ITGBL1: variants seen among roughly 807,000 people sequenced by gnomAD.
The protein encoded by ITGBL1 is integrin beta-like protein 1.
ITGBL1 carries 51 observed loss-of-function variants against 68.5 expected under a neutral mutation model. The observed-to-expected ratio is 0.74, with a 90% CI of 0.59 to 0.94. The LOEUF (loss-of-function observed/expected upper bound fraction) is 0.94, where lower values mean the gene tolerates loss of function less well. Among genes scored for constraint, ITGBL1 ranks in the 40% least tolerant of loss-of-function variants. The pLI, the probability that ITGBL1 is intolerant of heterozygous loss-of-function variation, is 0.00. For missense variants in ITGBL1, 649 were observed against 647.4 expected (o/e 1.00, Z -0.03); for synonymous variants, 209 against 227.3 (o/e 0.92, Z 0.72).
At chr13:101,483,286 A>C (rs2048653599) in intron 2 of ITGBL1, among the ~76,000 whole-genome samples, 1 of 152,168 alleles carries the variant, frequency 6.6e-6, no homozygotes, top group African/African-American at 2.4e-5. Flanking sequence ...AGTGAATGGG[A>C]TGTTCCAGTT....
intron 7 of ITGBL1, among the ~76,000 whole-genome samples, chr13:101,602,059 T>A (rs567829609): frequency 6.6e-6 from 1 of 152,082 alleles, no homozygotes; most frequent in South Asian, 2.1e-4. Context: ...TCTCACTCAC[T>A]GTCAGCCTAC....
chr13:101,503,745 CTG>C (rs1296003479), intron 2 of ITGBL1, among the ~76,000 whole-genome samples: 1 of 152,156 alleles, frequency 6.6e-6, no homozygotes, highest in Non-Finnish European at 1.5e-5. Context: ...ATAGCTAAAA[CTG>C]TGGGGAAGTG....
chr13:101,504,460 G>A (rs913269806), intron 2 of ITGBL1, among the ~76,000 whole-genome samples: 2 of 152,084 alleles, frequency 1.3e-5, no homozygotes, highest in East Asian at 1.9e-4. Context: ...TGGCCAAATA[G>A]AATACCATTC....
chr13:101,592,057 C>A (rs765048792), intron 6 of ITGBL1, among the ~76,000 whole-genome samples: 4 of 152,096 alleles, frequency 2.6e-5, no homozygotes, highest in Non-Finnish European at 4.4e-5. Context: ...CAGATGTGGT[C>A]ATTTGACCAG....
chr13:101,636,812 A>G (rs536066179), intron 7 of ITGBL1, among the ~76,000 whole-genome samples: 1 of 152,306 alleles, frequency 6.6e-6, no homozygotes, highest in African/African-American at 2.4e-5. Context: ...ATCCTGCTGT[A>G]TCTTATTCTG....
intron 2 of ITGBL1, among the ~76,000 whole-genome samples, chr13:101,560,946 T>C (rs2050089863): frequency 6.6e-6 from 1 of 152,166 alleles, no homozygotes; most frequent in Non-Finnish European, 1.5e-5. Context: ...AAAGTGTGAT[T>C]CCCATTCTTA....
chr13:101,645,552 A>G (rs2032531199), intron 7 of ITGBL1, among the ~76,000 whole-genome samples: 1 of 152,190 alleles, frequency 6.6e-6, no homozygotes, highest in African/African-American at 2.4e-5. Flanking sequence ...ATAGGCAACT[A>G]GCATTCTCAT....
intron 2 of ITGBL1, among the ~76,000 whole-genome samples, chr13:101,531,609 T>G (rs1232998582): frequency 7.5e-6 from 1 of 132,954 alleles, no homozygotes; most frequent in Admixed American, 7.6e-5. Context: ...GCGTATTTTT[T>G]GGGGGGAGGG....
At chr13:101,522,287 T>C (rs941697551) in intron 2 of ITGBL1, among the ~76,000 whole-genome samples, 1 of 152,152 alleles carries the variant, frequency 6.6e-6, no homozygotes, top group Non-Finnish European at 1.5e-5. Flanking sequence ...AAAAAATGTC[T>C]ATATTATACT....
chr13:101,466,885 A>T lies in ITGBL1; in HGVS notation c.316+12785A>T, dbSNP rs567440409. On this transcript the variant is annotated intron_variant, in intron 2 of 10. Transcript: ENST00000376180. ...TGTTGCAGGGTAGATGGTTTAGTCC[A>T]TTCAGGCTGCTGTAACAAGATACCC... 3.9e-5 allele frequency among the ~76,000 whole-genome samples: 6 copies of T among 152,288 alleles called. No homozygotes were observed. The East Asian group carries it at 1.2e-3, about 29-fold the overall frequency.
At chr13:101,677,268 T>C (rs1222369389) in intron 7 of ITGBL1, among the ~76,000 whole-genome samples, 1 of 152,184 alleles carries the variant, frequency 6.6e-6, no homozygotes, top group Non-Finnish European at 1.5e-5. Context: ...AAAAACTATA[T>C]ACCACTGTCA....
At chr13:101,507,139 T>C (rs1368109086) in intron 2 of ITGBL1, among the ~76,000 whole-genome samples, 1 of 152,290 alleles carries the variant, frequency 6.6e-6, no homozygotes, top group African/African-American at 2.4e-5. Flanking sequence ...AAGTCAACCC[T>C]TTTCCTTGCA....
At chr13:101,705,307 A>AAAAAAAAAAAAAC (rs1555367877) in intron 8 of ITGBL1, among the ~76,000 whole-genome samples, 1 of 144,874 alleles carries the variant, frequency 6.9e-6, no homozygotes, top group African/African-American at 2.7e-5. Context: ...AAAAAAAAAA[A>AAAAAAAAAAAAAC]AACAACAACA....
intron 2 of ITGBL1, among the ~76,000 whole-genome samples, chr13:101,498,724 A>G (rs2048894203): frequency 6.6e-6 from 1 of 152,172 alleles, no homozygotes; most frequent in Non-Finnish European, 1.5e-5. Flanking sequence ...TTTCTCCTAG[A>G]GCCTAATAGC....
intron 2 of ITGBL1, among the ~76,000 whole-genome samples, chr13:101,497,259 G>A (rs1355561561): frequency 1.3e-5 from 2 of 152,170 alleles, no homozygotes; most frequent in African/African-American, 2.4e-5. Context: ...GATAAGTACT[G>A]TAAAAGAATG....
intron 6 of ITGBL1, among the ~76,000 whole-genome samples, chr13:101,597,405 A>G (rs564601178): frequency 7.9e-6 from 1 of 127,086 alleles, no homozygotes; most frequent in South Asian, 2.9e-4. Flanking sequence ...TATATTAAAA[A>G]GTAGTCTAAA....
chr13:101,527,622 A>AC (rs61075826), intron 2 of ITGBL1, among the ~76,000 whole-genome samples: 113,123 of 151,820 alleles, frequency 0.75, 42,166 homozygotes, highest in South Asian at 0.79. Context: ...AAACAGTTTT[A>AC]ATAATCCTCA....
At chr13:101,557,861 T>G (rs113340411) in intron 2 of ITGBL1, among the ~76,000 whole-genome samples, 430 of 151,576 alleles carry the variant, frequency 2.8e-3, no homozygotes, top group African/African-American at 9.6e-3. Flanking sequence ...GAGGCCGAGG[T>G]GGGCGGATCA....
intron 7 of ITGBL1, among the ~76,000 whole-genome samples, chr13:101,639,082 A>G (rs1277815536): frequency 6.6e-6 from 1 of 152,210 alleles, no homozygotes; most frequent in Admixed American, 6.5e-5. Flanking sequence ...GAAACGCCCC[A>G]GTCCTGTCTC....
Sources: allele counts gnomAD v4.1 joint callset (sites outside exome capture counted in the v4.1 genomes callset), GRCh38; gene constraint gnomAD v4.1.1; transcripts MANE v1.5; gene names NCBI Gene and HGNC (gene_info 2026-07-23, HGNC 2026-07-21).